IRAK2: variants seen among roughly 807,000 people sequenced by gnomAD.
The protein encoded by IRAK2 is interleukin-1 receptor-associated kinase-like 2.
Under a neutral mutation model 72.0 loss-of-function variants are expected in IRAK2, and 57 were observed. The observed-to-expected ratio is 0.79, with a 90% confidence interval of 0.64 to 0.99. The LOEUF (loss-of-function observed/expected upper bound fraction) is 0.99. IRAK2 is among the 50% of genes least tolerant of loss of function. The pLI is 0.00. For synonymous variants in IRAK2, 293 were observed against 312.7 expected (o/e 0.94, Z 0.67); for missense variants, 790 against 794.4 (o/e 0.99, Z 0.07).
At chr3:10,194,717 G>A (rs1697237269) in intron 2 of IRAK2, among the ~76,000 whole-genome samples, 1 of 152,182 alleles carries the variant, frequency 6.6e-6, no homozygotes, top group Non-Finnish European at 1.5e-5. Flanking sequence ...GGGCCTGCCT[G>A]TCCACCCAGC....
chr3:10,224,893 G>T (rs138541069), intron 9 of IRAK2, among the ~76,000 whole-genome samples: 2 of 149,960 alleles, frequency 1.3e-5, no homozygotes, highest in Non-Finnish European at 3.0e-5. Flanking sequence ...TCCTCCTGTG[G>T]GGATCACAGT....
intron 2 of IRAK2, among the ~76,000 whole-genome samples, chr3:10,197,851 C>CAA (rs572341353): frequency 3.0e-5 from 3 of 101,620 alleles, no homozygotes; most frequent in South Asian, 6.4e-4. Context: ...GACTCCGTCT[C>CAA]AAAAAAAAAA....
At chr3:10,215,393 CAAAAA>C (rs562788691) in intron 6 of IRAK2, among the ~76,000 whole-genome samples, 1 of 79,572 alleles carries the variant, frequency 1.3e-5, no homozygotes, top group East Asian at 3.4e-4. Flanking sequence ...GACTCTGTCT[CAAAAA>C]AAAAAAAAAA....
intron 10 of IRAK2, among the ~76,000 whole-genome samples, chr3:10,232,216 C>G (rs1216950057): frequency 6.6e-6 from 1 of 152,246 alleles, no homozygotes; most frequent in East Asian, 1.9e-4. Context: ...TTTGCATAGA[C>G]TAGGTCATTT....
chr3:10,241,566 G>GATAAATAA (rs61019391), intron 12 of IRAK2, among the ~76,000 whole-genome samples: 49,403 of 131,408 alleles, frequency 0.38, 9,860 homozygotes, highest in Admixed American at 0.41. Flanking sequence ...CTCAACAAAT[G>GATAAATAA]ATAAATAAAT....
chr3:10,175,618 G>C (rs1385672339), intron 1 of IRAK2, among the ~76,000 whole-genome samples: 3 of 151,990 alleles, frequency 2.0e-5, no homozygotes, highest in African/African-American at 7.2e-5. Flanking sequence ...AGCTGGGCAC[G>C]GTGGCTCACG....
intron 11 of IRAK2, among the ~76,000 whole-genome samples, chr3:10,236,022 G>A (rs529474251): frequency 7.2e-5 from 11 of 152,270 alleles, no homozygotes; most frequent in African/African-American, 2.6e-4. Context: ...CCAGGTCCAC[G>A]CTCCTGGAAC....
At chr3:10,183,172 G>T (rs1457807141) in intron 2 of IRAK2, among the ~76,000 whole-genome samples, 1 of 152,186 alleles carries the variant, frequency 6.6e-6, no homozygotes, top group African/African-American at 2.4e-5. Flanking sequence ...GTGGCTTCCT[G>T]AGGGACTTAC....
At chr3:10,227,710 C>T (rs560243218) in intron 10 of IRAK2, among the ~76,000 whole-genome samples, 3 of 150,852 alleles carry the variant, frequency 2.0e-5, no homozygotes, top group Admixed American at 1.3e-4. Context: ...GCTCTGTCGC[C>T]CAGGCTGCAG....
chr3:10,204,323 G>C (rs1401654556), intron 3 of IRAK2, among the ~76,000 whole-genome samples: 2 of 152,194 alleles, frequency 1.3e-5, no homozygotes, highest in African/African-American at 4.8e-5. Context: ...TACTAATAAA[G>C]GAGATGGGGC....
At chr3:10,216,883 G>T (rs1300083398) in intron 6 of IRAK2, 51 bp from the exon 7 acceptor site, 15 of 1,365,524 alleles carry the variant, frequency 1.1e-5, no homozygotes, top group Non-Finnish European at 1.5e-5. Context: ...TGAGGAAGTA[G>T]ATCATTCTTT....
intron 10 of IRAK2, among the ~76,000 whole-genome samples, chr3:10,231,862 C>T (rs1424420063): frequency 2.6e-5 from 4 of 152,068 alleles, no homozygotes; most frequent in African/African-American, 9.6e-5. Context: ...CACGGTGGCT[C>T]AAGCCTGTAA....
intron 1 of IRAK2, among the ~76,000 whole-genome samples, chr3:10,165,264 G>A (rs1037876437): frequency 2.0e-5 from 3 of 152,320 alleles, no homozygotes; most frequent in Non-Finnish European, 4.4e-5. Context: ...ACGAGCAGGG[G>A]CCGCCGCCAC....
At chr3:10,239,690 G>A (rs1388806121) in intron 12 of IRAK2, among the ~76,000 whole-genome samples, 1 of 151,434 alleles carries the variant, frequency 6.6e-6, no homozygotes, top group Non-Finnish European at 1.5e-5. Flanking sequence ...TTGTGCCACT[G>A]CACTGCAGCC....
At chr3:10,210,819 C>T (rs193020152) in intron 4 of IRAK2, among the ~76,000 whole-genome samples, 1 of 152,286 alleles carries the variant, frequency 6.6e-6, no homozygotes, top group East Asian at 1.9e-4. Flanking sequence ...TGAGACCAAC[C>T]TGGGCAACAG....
intron 9 of IRAK2, among the ~76,000 whole-genome samples, chr3:10,225,761 C>T (rs536675750): frequency 2.0e-5 from 3 of 149,728 alleles, no homozygotes; most frequent in African/African-American, 7.4e-5. Flanking sequence ...TGCAGTGGTG[C>T]GATCTCAGTT....
intron 3 of IRAK2, among the ~76,000 whole-genome samples, chr3:10,204,065 G>A (rs1697402314): frequency 6.6e-6 from 1 of 152,196 alleles, no homozygotes; most frequent in Admixed American, 6.5e-5. Context: ...GAGGCCACTG[G>A]GCTATCAGTC....
At chr3:10,167,540 T>C (rs568492446) in intron 1 of IRAK2, among the ~76,000 whole-genome samples, 8 of 151,958 alleles carry the variant, frequency 5.3e-5, no homozygotes, top group African/African-American at 1.9e-4. Flanking sequence ...TCAGCCTCCC[T>C]AGCAGCTTGG....
chr3:10,165,061 C>A lies in IRAK2; in HGVS notation c.94+13C>A. The A allele has an allele frequency of 6.2e-7, 1 of 1,604,226 alleles. No homozygotes were observed. Among genetic ancestry groups the A allele is most frequent in the Non-Finnish European group, 8.5e-7 (1 of 1,175,714 alleles). On this transcript the variant is annotated intron_variant, in intron 1 of 12. Transcript: ENST00000256458. ...TGGATGGAGTTCGGTGAGTGCGGCC[C>A]GGGGAGGGGAGGGGACCAGGGCGAC...
Sources: allele counts gnomAD v4.1 joint callset (sites outside exome capture counted in the v4.1 genomes callset), GRCh38; gene constraint gnomAD v4.1.1; transcripts MANE v1.5; gene names NCBI Gene and HGNC (gene_info 2026-07-23, HGNC 2026-07-21).